Variants in DPP6 observed in about 807,000 individuals in gnomAD.
The protein encoded by DPP6 is A-type potassium channel modulatory protein DPP6.
In DPP6, 69 loss-of-function variants were observed where a neutral mutation model predicts 122.6. The ratio of observed to expected loss-of-function variants is 0.56; its 90% CI spans 0.46 to 0.69. DPP6 has a LOEUF of 0.69. DPP6 is among the 30% of genes least tolerant of loss of function. The pLI is 0.00. For synonymous variants in DPP6, 418 were observed against 433.1 expected, an observed-to-expected ratio of 0.97 and a Z score of 0.43; for missense variants, 928 against 1,116.9, an observed-to-expected ratio of 0.83 and a Z score of 2.41.
Position 154,106,884 on chromosome 7 carries a change from G to A in DPP6, c.243+53821G>A, listed in dbSNP as rs138468323. On this transcript the variant is annotated intron_variant, in intron 1 of 25. Coordinates refer to ENST00000377770, the MANE Select transcript of DPP6 (RefSeq NM_130797.4). ...ACTGACGCTGAGTGCTTTCAAGCAG[G>A]GGAGTGCAGAGAATGGATTTCACCT... Among the ~76,000 whole-genome samples, 973 of 152,238 alleles carry A rather than the reference G, an allele frequency of 6.4e-3. 19 individuals carry two copies. The highest frequency in any genetic ancestry group is 0.023 in the African/African-American group (943 of 41,532).
intron 7 of DPP6, among the ~76,000 whole-genome samples, chr7:154,698,836 G>T (rs1840359906): frequency 6.6e-6 from 1 of 152,240 alleles, no homozygotes; most frequent in African/African-American, 2.4e-5. Flanking sequence ...CCATGCCAGA[G>T]GCAGCGACTT....
At chr7:154,316,636 A>G (rs1369885588) in intron 1 of DPP6, among the ~76,000 whole-genome samples, 1 of 152,206 alleles carries the variant, frequency 6.6e-6, no homozygotes, top group Non-Finnish European at 1.5e-5. Flanking sequence ...GATCAGAGGA[A>G]TGCAAAGTTC....
At position 154,241,878 on chromosome 7, in the gene DPP6, C is replaced by T. The variant is rs1219741058; in HGVS notation, c.243+188815C>T. ...TCTCTGCTTTTCCACCCACCCCTAC[C>T]CCAACACTCATCCTACTTACCTTCC... On this transcript the variant is annotated intron_variant, in intron 1 of 25. Transcript: ENST00000377770. The surrounding 1 kb of genome is among the most constrained non-coding windows in gnomAD (Gnocchi z 9.0). Among the ~76,000 whole-genome samples, 2 of 152,156 alleles carry T rather than the reference C, an allele frequency of 1.3e-5. No individual in the cohort carries two copies. Among genetic ancestry groups the T allele is most frequent in the Non-Finnish European group, 2.9e-5 (2 of 68,038 alleles).
At chr7:154,054,202 C>G (rs1414854395) in intron 1 of DPP6, among the ~76,000 whole-genome samples, 1 of 152,194 alleles carries the variant, frequency 6.6e-6, no homozygotes, top group African/African-American at 2.4e-5. Flanking sequence ...ATACCCAGGG[C>G]AGTACATTGC....
At chr7:154,107,605 GAT>G (rs1391042398) in intron 1 of DPP6, among the ~76,000 whole-genome samples, 2 of 152,182 alleles carry the variant, frequency 1.3e-5, no homozygotes, top group South Asian at 4.1e-4. Context: ...TCTGTGAGGT[GAT>G]ATATATGTTA....
intron 1 of DPP6, among the ~76,000 whole-genome samples, chr7:153,960,692 CAT>C (rs1563050948): frequency 4.9e-5 from 7 of 143,230 alleles, no homozygotes. Flanking sequence ...CATGCGTGTG[CAT>C]GTGTGTGTGA....
intron 1 of DPP6, among the ~76,000 whole-genome samples, chr7:154,156,695 C>T (rs1032066774): frequency 1.3e-5 from 2 of 152,306 alleles, no homozygotes; most frequent in Admixed American, 6.5e-5. Flanking sequence ...TACCTCTTAA[C>T]AAGTTGACCA....
intron 6 of DPP6, among the ~76,000 whole-genome samples, chr7:154,654,416 T>TC (rs1227238111): frequency 3.0e-4 from 43 of 142,010 alleles, no homozygotes; most frequent in East Asian, 8.3e-4. Flanking sequence ...TTTCTTTCTT[T>TC]CTTTCTTTCT....
the DPP6 span, among the ~76,000 whole-genome samples, chr7:153,838,310 T>G: frequency 6.6e-6 from 1 of 152,110 alleles, no homozygotes; most frequent in Non-Finnish European, 1.5e-5. Context: ...TGGGGAATTC[T>G]GCCAAAGAGA....
Position 154,892,369 on chromosome 7 carries a change from C to T in DPP6, c.2487C>T (p.Ser829=), listed in dbSNP as rs776184954. 1.2e-6 allele frequency: 2 copies of T among 1,614,042 alleles called. No homozygotes were observed. The highest frequency in any genetic ancestry group is 3.3e-5 in the Admixed American group (2 of 60,030). The part of the protein sequence containing the change: ...YPDESHYFTS[S]SLKQHLYRSI... Reference sequence around the variant, plus strand: ...ACGAAAGCCATTACTTTACCAGCTCCAGCCTCAAACAGCATCTGTACCGGT... The same window carrying T: ...ACGAAAGCCATTACTTTACCAGCTCTAGCCTCAAACAGCATCTGTACCGGT... The change falls in exon 26 of 26, where the codon TCC becomes TCT. Residue 829 remains serine, a synonymous_variant. Coordinates refer to ENST00000377770, the MANE Select transcript of DPP6 (RefSeq NM_130797.4).
intron 1 of DPP6, among the ~76,000 whole-genome samples, chr7:154,086,817 C>T (rs1457107982): frequency 6.6e-6 from 1 of 152,100 alleles, no homozygotes; most frequent in Non-Finnish European, 1.5e-5. Flanking sequence ...CAGGGTTTCA[C>T]CATGTTGGCC....
intron 1 of DPP6, among the ~76,000 whole-genome samples, chr7:154,283,552 G>T (rs1412885808): frequency 6.6e-6 from 1 of 151,718 alleles, no homozygotes; most frequent in African/African-American, 2.4e-5. Flanking sequence ...AATAAACTAG[G>T]CAGGGCTCTG....
At chr7:154,252,233 T>G (rs866701137) in intron 1 of DPP6, among the ~76,000 whole-genome samples, 1 of 140,104 alleles carries the variant, frequency 7.1e-6, no homozygotes, top group African/African-American at 2.6e-5. Context: ...TGTGTGTGTG[T>G]GTGCGCGCAT....
chr7:154,562,856 A>G (rs1454834891), intron 4 of DPP6, among the ~76,000 whole-genome samples: 1 of 152,204 alleles, frequency 6.6e-6, no homozygotes, highest in Non-Finnish European at 1.5e-5. Context: ...CAATTATAGT[A>G]CATCCTTGGG....
intron 1 of DPP6, among the ~76,000 whole-genome samples, chr7:153,974,037 T>G (rs28584334): frequency 6.6e-6 from 1 of 151,888 alleles, no homozygotes; most frequent in African/African-American, 2.4e-5. Flanking sequence ...GAAGGGGGAC[T>G]TACCTATGCA....
At chr7:154,424,597 A>G (rs1817739281) in intron 1 of DPP6, among the ~76,000 whole-genome samples, 1 of 152,212 alleles carries the variant, frequency 6.6e-6, no homozygotes, top group African/African-American at 2.4e-5. Flanking sequence ...TGGATAATTC[A>G]GGATAATCTC....
chr7:154,108,318 G>A (rs1436904574), intron 1 of DPP6, among the ~76,000 whole-genome samples: 1 of 152,168 alleles, frequency 6.6e-6, no homozygotes, highest in Non-Finnish European at 1.5e-5. Flanking sequence ...TTCCTTGCTT[G>A]TAAAATGCAG....
intron 1 of DPP6, among the ~76,000 whole-genome samples, chr7:153,957,802 T>C (rs1187583989): frequency 6.6e-6 from 1 of 152,208 alleles, no homozygotes; most frequent in Non-Finnish European, 1.5e-5. Flanking sequence ...TCAACAAGTT[T>C]ACATGCCCTT....
At chr7:154,540,874 A>T (rs1178663065) in intron 4 of DPP6, among the ~76,000 whole-genome samples, 2 of 152,212 alleles carry the variant, frequency 1.3e-5, no homozygotes, top group East Asian at 3.8e-4. Flanking sequence ...GTTGCATATC[A>T]TATATAATTA....
Sources: gnomAD v4.1 joint callset for allele counts (sites outside exome capture counted in the v4.1 genomes callset) on GRCh38, gnomAD v4.1.1 for gene constraint, Gnocchi (gnomAD v3.1) non-coding constraint, MANE v1.5 for transcripts, NCBI Gene and HGNC (gene_info 2026-07-23, HGNC 2026-07-21) for gene names.